CAPZA3: variants seen among roughly 807,000 people sequenced by gnomAD.
The protein encoded by CAPZA3 is F-actin-capping protein subunit alpha-3.
A neutral mutation model predicts 23.6 loss-of-function variants in CAPZA3; 22 were observed. The ratio of observed to expected loss-of-function variants is 0.93; its 90% CI spans 0.67 to 1.33. The LOEUF (loss-of-function observed/expected upper bound fraction) is 1.33, where lower values mean the gene tolerates loss of function less well. Among genes scored for constraint, CAPZA3 ranks in the 40% most tolerant of loss-of-function variants. CAPZA3 has a pLI of 0.00. For synonymous variants in CAPZA3, 142 were observed against 126.5 expected (o/e 1.12, Z -0.82); for missense variants, 357 against 345.9 (o/e 1.03, Z -0.25).
chr12:18,738,146 G>A lies in CAPZA3; in HGVS notation c.-123G>A, dbSNP rs1959636260. 8 of 916,008 alleles carry A rather than the reference G, an allele frequency of 8.7e-6. No homozygotes were observed. Among genetic ancestry groups the A allele is most frequent in the African/African-American group, 1.7e-5 (1 of 60,310 alleles). The allele number at this position is 916,008 out of a possible 1,614,324, so 56.7% of individuals were successfully genotyped here. Reference sequence around the variant, plus strand: ...ACCTTGCCAGACTGCCTGCTTTCATGGATAGACATAAAAACCTTCAGCTTG... The same window carrying A: ...ACCTTGCCAGACTGCCTGCTTTCATAGATAGACATAAAAACCTTCAGCTTG... On this transcript the variant is annotated 5_prime_UTR_variant, in exon 1 of 1. The change abolishes an upstream ATG in the 5' untranslated region. Transcript: ENST00000317658.
At position 18,738,652 on chromosome 12, in the gene CAPZA3, T is replaced by C; in HGVS notation, c.384T>C (p.Tyr128=). 6.2e-6 allele frequency: 10 copies of C among 1,614,088 alleles called. No homozygotes were observed. Among genetic ancestry groups the C allele is most frequent in the South Asian group, 1.1e-5 (1 of 91,082 alleles). ...RVVLLCALKL[Y]VNDHYPKGNC... is the part of the protein sequence containing the mutation. ...TTCTTCTGTGCGCCTTAAAACTGTA[T>C]GTGAATGACCACTATCCAAAAGGAA... The change falls in exon 1 of 1, where the codon TAT becomes TAC. Residue 128 remains tyrosine (Y), a synonymous_variant. Coordinates refer to ENST00000317658, the MANE Select transcript of CAPZA3 (RefSeq NM_033328.3).
rs766322185 is a variant in CAPZA3 at position 18,738,357 on chromosome 12, C to G, written c.89C>G (p.Ala30Gly). The G allele has an allele frequency of 5.0e-6, 8 of 1,613,884 alleles. No individual in the cohort carries two copies. The African/African-American group carries it at 1.1e-4, about 22-fold the overall frequency. Residue 30 changes from alanine (A) to glycine (G), a missense_variant, in exon 1 of 1, where the codon GCC becomes GGC. By Grantham distance (60) the Ala-to-Gly change is moderately conservative. Coordinates refer to ENST00000317658, the MANE Select transcript of CAPZA3 (RefSeq NM_033328.3). The part of the protein sequence containing the change: ...LQAPPGEFVN[A>G]FDDLCLLIRD... ...GCCCCTCCAGGGGAATTTGTAAATG[C>G]CTTTGATGATCTCTGTCTGCTTATC...
chr12:18,738,512 C>T lies in CAPZA3; in HGVS notation c.244C>T (p.Arg82Ter), dbSNP rs757346159. ...TCACCACAATGTAATGGGCGACTAC[C>T]GATTTTTTGACCATCAAAGCAAACT... ...LSHHNVMGDY[R>*]FFDHQSKLSF... The change falls in exon 1 of 1, where the codon CGA (arginine) becomes TGA (stop). Residue 82 changes from arginine (R) to a stop codon, truncating the protein, a stop_gained. Coordinates refer to ENST00000317658, the MANE Select transcript of CAPZA3 (RefSeq NM_033328.3). LOFTEE classifies it high-confidence loss of function. 1.8e-5 allele frequency: 29 copies of T among 1,613,962 alleles called. No homozygotes were observed. The highest frequency in any genetic ancestry group is 1.0e-4 in the Admixed American group (6 of 59,972).
Position 18,738,557 on chromosome 12 carries a change from C to G in CAPZA3, c.289C>G (p.Leu97Val), listed in dbSNP as rs1959672649. Residue 97 changes from leucine to valine, a missense_variant, in exon 1 of 1, where the codon CTT (leucine) becomes GTT (valine). By Grantham distance (32) the Leu-to-Val change is conservative. Coordinates refer to ENST00000317658, the MANE Select transcript of CAPZA3 (RefSeq NM_033328.3). ...CAAACTTTCTTTCAAATATGACCTG[C>G]TTCAAAATCAGCTGAAAGACATCCA... ...QSKLSFKYDL[L>V]QNQLKDIQSH... The G allele has an allele frequency of 3.1e-6, 5 of 1,614,128 alleles. No homozygotes were observed. The East Asian group carries it at 1.1e-4, about 36-fold the overall frequency.
In CAPZA3 at chr12:18,739,061, A is replaced by G. The variant is rs149635089; in HGVS notation, c.793A>G (p.Thr265Ala). The G allele has an allele frequency of 3.7e-4, 603 of 1,612,090 alleles. No homozygotes were observed. Among genetic ancestry groups the G allele is most frequent in the Non-Finnish European group, 4.9e-4 (573 of 1,179,890 alleles). ...ACGAAGGGATCTTCCAGTGACCCGC[A>G]CTCTTATTGACTGGCACAGGATACT... ...ILRRDLPVTR[T>A]LIDWHRILSD... Residue 265 changes from threonine to alanine, a missense_variant, in exon 1 of 1, where the codon ACT (threonine) becomes GCT (alanine). Coordinates refer to ENST00000317658, the MANE Select transcript of CAPZA3 (RefSeq NM_033328.3).
Position 18,738,210 on chromosome 12 carries a change from G to A in CAPZA3, c.-59G>A. On this transcript the variant is annotated 5_prime_UTR_variant, in exon 1 of 1. It removes an upstream start codon present in the reference 5' UTR. Transcript: ENST00000317658. ...TGATGGGAAAGGTGGCTCATGGAAT[G>A]TTTTCTTATCCTTTGAACACTCCTC... 6.8e-7 allele frequency: 1 copy of A among 1,465,170 alleles called. No individual in the cohort carries two copies. The highest frequency in any genetic ancestry group is 1.3e-5 in the South Asian group (1 of 74,464). The allele number at this position is 1,465,170 out of a possible 1,614,324, so 90.8% of individuals were successfully genotyped here.
chr12:18,738,424 C>A lies in CAPZA3; in HGVS notation c.156C>A (p.Gly52=), dbSNP rs1959661682. The A allele has an allele frequency of 1.9e-6, 3 of 1,614,002 alleles. No individual in the cohort carries two copies. Among genetic ancestry groups the A allele is most frequent in the Admixed American group, 1.7e-5 (1 of 59,986 alleles). The change falls in exon 1 of 1, where the codon GGC becomes GGA. Residue 52 remains glycine, a synonymous_variant. Coordinates refer to ENST00000317658, the MANE Select transcript of CAPZA3 (RefSeq NM_033328.3). ...KLMHHQGECA[G]HQHCQKYSVP... is the part of the protein sequence containing the mutation. ...TGCACCACCAAGGTGAGTGTGCAGG[C>A]CACCAACACTGCCAAAAATATTCTG...
chr12:18,738,963 A>G lies in CAPZA3; in HGVS notation c.695A>G (p.Gln232Arg). ...ALSFARLVEE[Q>R]ENKFQAAVLE... ...AGTTTTGCAAGGCTTGTGGAAGAGC[A>G]AGAGAACAAATTTCAAGCTGCAGTC... The change falls in exon 1 of 1, where the codon CAA becomes CGA. Residue 232 changes from glutamine to arginine, a missense_variant. Transcript: ENST00000317658. The G allele has an allele frequency of 6.2e-7, 1 of 1,613,636 alleles. No homozygotes were observed. The highest frequency in any genetic ancestry group is 8.5e-7 in the Non-Finnish European group (1 of 1,179,942).
rs2150778734 is a variant in CAPZA3 at position 18,738,796 on chromosome 12, C to T, written c.528C>T (p.Phe176=). 1 of 1,614,040 alleles carries T rather than the reference C, an allele frequency of 6.2e-7. No individual in the cohort carries two copies. The highest frequency in any genetic ancestry group is 8.5e-7 in the Non-Finnish European group (1 of 1,179,988). ...WNGLWKSKWI[F]QVNPFLTQVT... Reference sequence around the variant, plus strand: ...GACTTTGGAAATCTAAATGGATTTTCCAAGTTAACCCATTTCTAACCCAAG... The same window carrying T: ...GACTTTGGAAATCTAAATGGATTTTTCAAGTTAACCCATTTCTAACCCAAG... Residue 176 remains phenylalanine, a synonymous_variant, in exon 1 of 1, where the codon TTC becomes TTT. Coordinates refer to ENST00000317658, the MANE Select transcript of CAPZA3 (RefSeq NM_033328.3).
In CAPZA3 at chr12:18,738,700, T is replaced by C; in HGVS notation, c.432T>C (p.Thr144=). 6.2e-7 allele frequency: 1 copy of C among 1,614,054 alleles called. No individual in the cohort carries two copies. Among genetic ancestry groups the C allele is most frequent in the Non-Finnish European group, 8.5e-7 (1 of 1,179,970 alleles). The part of the protein sequence containing the change: ...PKGNCNMLRK[T]VKSKEYLIAC... ...GAAATTGCAACATGCTGAGAAAAAC[T>C]GTCAAAAGTAAGGAGTACTTGATAG... is the stretch of plus-strand genomic sequence containing the variant. Residue 144 remains threonine (T), a synonymous_variant, in exon 1 of 1, where the codon ACT becomes ACC. Coordinates refer to ENST00000317658, the MANE Select transcript of CAPZA3 (RefSeq NM_033328.3).
At position 18,738,375 on chromosome 12, in the gene CAPZA3, T is replaced by C. The variant is rs1484558939; in HGVS notation, c.107T>C (p.Leu36Pro). 2 of 1,614,156 alleles carry C rather than the reference T, an allele frequency of 1.2e-6. No individual in the cohort carries two copies. The highest frequency in any genetic ancestry group is 1.7e-6 in the Non-Finnish European group (2 of 1,179,996). The change falls in exon 1 of 1, where the codon CTG becomes CCG. Residue 36 changes from leucine (L) to proline (P), a missense_variant. Coordinates refer to ENST00000317658, the MANE Select transcript of CAPZA3 (RefSeq NM_033328.3). ...GTAAATGCCTTTGATGATCTCTGTC[T>C]GCTTATCCGTGATGAAAAACTTATG... ...EFVNAFDDLC[L>P]LIRDEKLMHH... is the part of the protein sequence containing the mutation.
In CAPZA3 at chr12:18,738,651, A is replaced by G. The variant is rs761692565; in HGVS notation, c.383A>G (p.Tyr128Cys). Reference sequence around the variant, plus strand: ...GTTCTTCTGTGCGCCTTAAAACTGTATGTGAATGACCACTATCCAAAAGGA... The same window carrying G: ...GTTCTTCTGTGCGCCTTAAAACTGTGTGTGAATGACCACTATCCAAAAGGA... ...RVVLLCALKL[Y>C]VNDHYPKGNC... Residue 128 changes from tyrosine (Y) to cysteine (C), a missense_variant, in exon 1 of 1, where the codon TAT becomes TGT. Coordinates refer to ENST00000317658, the MANE Select transcript of CAPZA3 (RefSeq NM_033328.3). 2 of 1,613,974 alleles carry G rather than the reference A, an allele frequency of 1.2e-6. No homozygotes were observed. Among genetic ancestry groups the G allele is most frequent in the South Asian group, 1.1e-5 (1 of 91,092 alleles).
chr12:18,738,600 A>C lies in CAPZA3; in HGVS notation c.332A>C (p.Gln111Pro), dbSNP rs754370889. The C allele has an allele frequency of 3.1e-6, 5 of 1,614,122 alleles. No homozygotes were observed. In the Middle Eastern group the frequency reaches 6.6e-4, roughly 213 times the overall value. Residue 111 changes from glutamine (Q) to proline (P), a missense_variant, in exon 1 of 1, where the codon CAG (glutamine) becomes CCG (proline). Physicochemically the swap from Gln to Pro is moderately conservative, Grantham distance 76 (BLOSUM62 -1). Transcript: ENST00000317658. ...GACATCCAAAGTCATGGTATCATTC[A>C]GAATGAGGCAGAATACCTGAGAGTT... ...LKDIQSHGII[Q>P]NEAEYLRVVL...
Position 18,738,801 on chromosome 12 carries a change from TTAAC to T in CAPZA3, c.534_537del (p.Asn179HisfsTer3). 6.2e-7 allele frequency: 1 copy of T among 1,614,050 alleles called. No homozygotes were observed. Reference sequence around the variant, plus strand: ...TGGAAATCTAAATGGATTTTCCAAGTTAACCCATTTCTAACCCAAGTAACGGGAA... The same window carrying T: ...TGGAAATCTAAATGGATTTTCCAAGTCCATTTCTAACCCAAGTAACGGGAA... On this transcript the variant is annotated frameshift_variant, in exon 1 of 1. Coordinates refer to ENST00000317658, the MANE Select transcript of CAPZA3 (RefSeq NM_033328.3). LOFTEE classifies it high-confidence loss of function.
chr12:18,738,332 G>C lies in CAPZA3; in HGVS notation c.64G>C (p.Ala22Pro). ...AGTAATTCGCAGACTGTTATTACAGGCCCCTCCAGGGGAATTTGTAAATGC... is the reference window on the plus strand; with the variant it reads ...AGTAATTCGCAGACTGTTATTACAGCCCCCTCCAGGGGAATTTGTAAATGC... ...ERVIRRLLLQ[A>P]PPGEFVNAFD... Residue 22 changes from alanine to proline, a missense_variant, in exon 1 of 1, where the codon GCC (alanine) becomes CCC (proline). Coordinates refer to ENST00000317658, the MANE Select transcript of CAPZA3 (RefSeq NM_033328.3). 2 of 1,613,990 alleles carry C rather than the reference G, an allele frequency of 1.2e-6. No homozygotes were observed. The highest frequency in any genetic ancestry group is 1.7e-6 in the Non-Finnish European group (2 of 1,179,900).
Position 18,739,137 on chromosome 12 carries a change from C to T in CAPZA3, c.869C>T (p.Ser290Leu), listed in dbSNP as rs1312977593. ...CCTAAATTAGGATATGTCATTTATTCAAGAAGTGTGTTGTGCAACTGGATA... is the reference window on the plus strand; with the variant it reads ...CCTAAATTAGGATATGTCATTTATTTAAGAAGTGTGTTGTGCAACTGGATA... ...MYPKLGYVIY[S>L]RSVLCNWII The change falls in exon 1 of 1, where the codon TCA becomes TTA. Residue 290 changes from serine to leucine, a missense_variant. Coordinates refer to ENST00000317658, the MANE Select transcript of CAPZA3 (RefSeq NM_033328.3). The T allele has an allele frequency of 6.2e-7, 1 of 1,611,212 alleles. No homozygotes were observed. Among genetic ancestry groups the T allele is most frequent in the Admixed American group, 1.7e-5 (1 of 59,932 alleles).
chr12:18,738,936 T>G lies in CAPZA3; in HGVS notation c.668T>G (p.Leu223Arg). Residue 223 changes from leucine to arginine, a missense_variant, in exon 1 of 1, where the codon CTA becomes CGA. Leu to Arg is a moderately radical substitution (Grantham distance 102). Transcript: ENST00000317658. ...ATAGTTAACCAAGCTCAACTGGCTCTAAGTTTTGCAAGGCTTGTGGAAGAG... is the reference window on the plus strand; with the variant it reads ...ATAGTTAACCAAGCTCAACTGGCTCGAAGTTTTGCAAGGCTTGTGGAAGAG... The part of the protein sequence containing the change: ...LEIVNQAQLA[L>R]SFARLVEEQE... 1 of 1,613,976 alleles carries G rather than the reference T, an allele frequency of 6.2e-7. No homozygotes were observed. Among genetic ancestry groups the G allele is most frequent in the Non-Finnish European group, 8.5e-7 (1 of 1,179,970 alleles).
Position 18,739,010 on chromosome 12 carries a change from T to C in CAPZA3, c.742T>C (p.Ser248Pro), listed in dbSNP as rs982225881. The stretch of plus-strand genomic sequence containing the variant: ...AGTCTTGGAAGAATTACAGGAGTTA[T>C]CCAATGAAGCCCTGAGAAAAATTCT... The part of the protein sequence containing the change: ...AAVLEELQEL[S>P]NEALRKILRR... Residue 248 changes from serine to proline, a missense_variant, in exon 1 of 1, where the codon TCC becomes CCC. Transcript: ENST00000317658. 1.2e-6 allele frequency: 2 copies of C among 1,612,332 alleles called. No individual in the cohort carries two copies. The highest frequency in any genetic ancestry group is 2.2e-5 in the East Asian group (1 of 44,862).
Position 18,738,288 on chromosome 12 carries a change from G to A in CAPZA3, c.20G>A (p.Ser7Asn). 6.2e-7 allele frequency: 1 copy of A among 1,611,334 alleles called. No homozygotes were observed. Among genetic ancestry groups the A allele is most frequent in the Non-Finnish European group, 8.5e-7 (1 of 1,178,546 alleles). MTLSVL[S>N]RKDKERVIRR... Reference sequence around the variant, plus strand: ...CCAAACATGACACTTAGCGTGCTGAGCAGGAAGGACAAGGAAAGAGTAATT... The same window carrying A: ...CCAAACATGACACTTAGCGTGCTGAACAGGAAGGACAAGGAAAGAGTAATT... Residue 7 changes from serine to asparagine, a missense_variant, in exon 1 of 1, where the codon AGC becomes AAC. Transcript: ENST00000317658.
Sources: allele counts gnomAD v4.1 joint callset, GRCh38; gene constraint gnomAD v4.1.1; transcripts MANE v1.5; gene names NCBI Gene and HGNC (gene_info 2026-07-23, HGNC 2026-07-21).